R3HDM1: variants seen among roughly 807,000 people sequenced by gnomAD.
R3HDM1 encodes the protein R3H domain-containing protein 1.
Under a neutral mutation model 141.1 loss-of-function variants are expected in R3HDM1, and 46 were observed. That is an observed-to-expected ratio of 0.33 (90% CI 0.26 to 0.42). The LOEUF (loss-of-function observed/expected upper bound fraction) is 0.42, where lower values mean the gene tolerates loss of function less well. R3HDM1 is among the 10% of genes least tolerant of loss of function. The probability of loss-of-function intolerance (pLI) is 1.00; values close to 1 mark genes in which losing one functional copy is unlikely to be tolerated. For missense variants in R3HDM1, 1,184 were observed against 1,368.3 expected (o/e 0.87, Z 2.12); for synonymous variants, 435 against 472.9 (o/e 0.92, Z 1.04).
At chr2:135,670,414 G>A (rs991697757) in intron 19 of R3HDM1, 18 of 970,488 alleles carry the variant, frequency 1.9e-5, no homozygotes, top group African/African-American at 3.5e-5. Context: ...GTTGTTTGAT[G>A]TTAAACTTGA....
At chr2:135,551,230 A>C (rs1699789130) in intron 1 of R3HDM1, among the ~76,000 whole-genome samples, 1 of 152,232 alleles carries the variant, frequency 6.6e-6, no homozygotes, top group South Asian at 2.1e-4. Flanking sequence ...GATGCAGGCA[A>C]ACTGACAAGT....
intron 21 of R3HDM1, among the ~76,000 whole-genome samples, chr2:135,691,465 T>A (rs1015474547): frequency 1.2e-4 from 18 of 150,728 alleles, no homozygotes; most frequent in African/African-American, 4.4e-4. Flanking sequence ...AATACAAAAA[T>A]TAGCTGGGCG....
intron 5 of R3HDM1, among the ~76,000 whole-genome samples, chr2:135,618,691 A>C (rs558080920): frequency 7.2e-5 from 11 of 152,230 alleles, no homozygotes; most frequent in African/African-American, 2.2e-4. Context: ...CTGAAAAAAA[A>C]CCAATAAAAT....
chr2:135,647,030 AT>A (rs1329120162), intron 16 of R3HDM1, among the ~76,000 whole-genome samples: 3 of 152,150 alleles, frequency 2.0e-5, no homozygotes, highest in African/African-American at 7.2e-5. Flanking sequence ...ATAAAAAATA[AT>A]TGTACTTCTG....
intron 19 of R3HDM1, among the ~76,000 whole-genome samples, chr2:135,671,730 C>A (rs2068385160): frequency 6.6e-6 from 1 of 151,848 alleles, no homozygotes; most frequent in Non-Finnish European, 1.5e-5. Flanking sequence ...AATCGCAGCA[C>A]TTTAGGAGGC....
intron 1 of R3HDM1, among the ~76,000 whole-genome samples, chr2:135,534,667 T>C (rs1421102776): frequency 6.6e-6 from 1 of 152,244 alleles, no homozygotes; most frequent in Non-Finnish European, 1.5e-5. Flanking sequence ...GGTATATATA[T>C]GGTGGGCCTC....
chr2:135,696,090 C>T (rs573572517), intron 21 of R3HDM1, among the ~76,000 whole-genome samples: 1 of 152,278 alleles, frequency 6.6e-6, no homozygotes, highest in Non-Finnish European at 1.5e-5. Context: ...ACCCAAATGT[C>T]CACCCACAGG....
At chr2:135,620,020 C>T (rs1439829417) in intron 5 of R3HDM1, among the ~76,000 whole-genome samples, 7 of 152,134 alleles carry the variant, frequency 4.6e-5, no homozygotes, top group Admixed American at 4.6e-4. Flanking sequence ...ACTAGGCCAA[C>T]TGAAGACAGG....
intron 1 of R3HDM1, chr2:135,531,872 C>T (rs980505676): frequency 1.0e-6 from 1 of 983,160 alleles, no homozygotes; most frequent in Non-Finnish European, 1.2e-6. Flanking sequence ...TCGCCTGGCC[C>T]GCGGCTGCGG....
rs1410366107 is a variant in R3HDM1, at chr2:135,651,970, G to A, written c.1966G>A (p.Gly656Ser). 1 of 1,612,650 alleles carries A rather than the reference G, an allele frequency of 6.2e-7. No homozygotes were observed. Among genetic ancestry groups the A allele is most frequent in the East Asian group, 2.2e-5 (1 of 44,860 alleles). The change falls in exon 18 of 27, where the codon GGT becomes AGT. Residue 656 changes from glycine (G) to serine (S), a missense_variant. Gly to Ser is a moderately conservative substitution (Grantham distance 56). Around this residue, in one of 5 missense-constraint regions of R3HDM1, gnomAD observed 563 missense variants for 562.0 expected, o/e 1.00. Coordinates refer to ENST00000683871, the MANE Select transcript of R3HDM1 (RefSeq NM_001378107.1). ...PVPTAGYPAS[G>S]HPVSQPVLQQ... ...CCCTACTGCTGGATATCCTGCCTCT[G>A]GTCATCCTGTCAGCCAGCCTGTGCT...
chr2:135,714,111 C>T, intron 23 of R3HDM1, among the ~76,000 whole-genome samples: 1 of 151,386 alleles, frequency 6.6e-6, no homozygotes, highest in East Asian at 1.9e-4. Context: ...AAGTATCTCC[C>T]TACAAGATAC....
At chr2:135,690,712 GTTTT>G (rs1234832274) in intron 21 of R3HDM1, among the ~76,000 whole-genome samples, 1 of 105,138 alleles carries the variant, frequency 9.5e-6, no homozygotes, top group Non-Finnish European at 1.6e-5. Context: ...TATAAAAGAG[GTTTT>G]TTTTGTTTGT....
intron 19 of R3HDM1, among the ~76,000 whole-genome samples, chr2:135,673,330 T>C (rs1284406866): frequency 1.3e-5 from 2 of 152,172 alleles, no homozygotes; most frequent in East Asian, 3.8e-4. Flanking sequence ...ATTCTGATGC[T>C]GCAATAGACG....
In R3HDM1 at chr2:135,611,657, ATTGT is replaced by A. The variant is rs570430695; in HGVS notation, c.172-4492_172-4489del. Among the ~76,000 whole-genome samples, 38 of 152,130 alleles carry A rather than the reference ATTGT, an allele frequency of 2.5e-4. No homozygotes were observed. In the East Asian group the frequency reaches 6.2e-3, roughly 25 times the overall value. The stretch of plus-strand genomic sequence containing the variant: ...TTCTGTATCTGTATGCTGTATTTTT[ATTGT>A]TTTTTATTAATATTGAATGAGTTCA... On this transcript the variant is annotated intron_variant, in intron 3 of 26. Transcript: ENST00000683871.
chr2:135,617,347 A>G (rs984443295), intron 5 of R3HDM1, among the ~76,000 whole-genome samples: 1 of 151,900 alleles, frequency 6.6e-6, no homozygotes, highest in Non-Finnish European at 1.5e-5. Context: ...ATATATATAT[A>G]TTAAGGTAGC....
intron 9 of R3HDM1, among the ~76,000 whole-genome samples, chr2:135,634,627 G>T (rs1375927722): frequency 8.5e-5 from 13 of 152,190 alleles, no homozygotes; most frequent in Admixed American, 7.9e-4. Context: ...CTGGGTGACA[G>T]AGTGAGACTC....
intron 7 of R3HDM1, among the ~76,000 whole-genome samples, chr2:135,630,968 A>G (rs570621287): frequency 6.6e-6 from 1 of 152,308 alleles, no homozygotes; most frequent in African/African-American, 2.4e-5. Flanking sequence ...AGGAGCACAT[A>G]CAGGTACTCC....
rs902358953 is a variant in R3HDM1, at chr2:135,620,294, T to C, written c.304-1200T>C. 36 of 929,322 alleles carry C rather than the reference T, an allele frequency of 3.9e-5. 2 individuals are homozygous for C. In the Admixed American group the frequency reaches 2.2e-3, roughly 56 times the overall value. 57.6% of individuals were successfully genotyped at this position (929,322 alleles called of 1,614,324 possible). The stretch of plus-strand genomic sequence containing the variant: ...TTCTAAATATTATACTTCTGAAAAA[T>C]AGTTCTGGGATTCATTTCTAGATAC... On this transcript the variant is annotated intron_variant, in intron 5 of 26. Coordinates refer to ENST00000683871, the MANE Select transcript of R3HDM1 (RefSeq NM_001378107.1).
chr2:135,712,970 G>T (rs946696935), intron 23 of R3HDM1, among the ~76,000 whole-genome samples: 1 of 152,124 alleles, frequency 6.6e-6, no homozygotes, highest in African/African-American at 2.4e-5. Context: ...GGGAGGCCAA[G>T]GAGAAAGGAT....
Sources: gnomAD v4.1 joint callset for allele counts (sites outside exome capture counted in the v4.1 genomes callset) on GRCh38, gnomAD v4.1.1 for gene constraint, gnomAD v4.1.1 regional missense constraint, MANE v1.5 for transcripts, NCBI Gene and HGNC (gene_info 2026-07-23, HGNC 2026-07-21) for gene names.